EYS: variants seen among roughly 807,000 people sequenced by gnomAD.
The protein encoded by EYS is protein eyes shut homolog.
EYS carries 250 observed loss-of-function variants against 282.1 expected under a neutral mutation model. The ratio of observed to expected loss-of-function variants is 0.89; its 90% confidence interval spans 0.80 to 0.98. The LOEUF is 0.98. Ranked by LOEUF, EYS falls within the 50% of genes least tolerant of loss-of-function variation. EYS has a pLI of 0.00. For synonymous variants in EYS, 1,355 were observed against 1,282.9 expected (o/e 1.06, Z -1.20); for missense variants, 4,016 against 3,709.0 (o/e 1.08, Z -2.15).
At chr6:65,475,852 T>C (rs1270451346) in intron 5 of EYS, among the ~76,000 whole-genome samples, 2 of 151,908 alleles carry the variant, frequency 1.3e-5, no homozygotes, top group African/African-American at 2.4e-5. Flanking sequence ...AGTAATTAAA[T>C]TTATTCCATT....
At chr6:64,308,211 C>A (rs1477965820) in intron 29 of EYS, among the ~76,000 whole-genome samples, 2 of 151,976 alleles carry the variant, frequency 1.3e-5, no homozygotes, top group Non-Finnish European at 2.9e-5. Flanking sequence ...TTTTACATGC[C>A]TTTTGTGTTC....
chr6:63,730,681 ATTTAC>A (rs1269575200), intron 41 of EYS, among the ~76,000 whole-genome samples: 1 of 152,178 alleles, frequency 6.6e-6, no homozygotes, highest in East Asian at 1.9e-4. Flanking sequence ...TTATACCACA[ATTTAC>A]TTAACCACTG....
At chr6:64,617,579 T>G (rs543309507) in intron 23 of EYS, 46 bp from the exon 24 acceptor site, 13 of 1,046,314 alleles carry the variant, frequency 1.2e-5, no homozygotes, top group Non-Finnish European at 1.9e-5. Context: ...TTAATGATAA[T>G]AAAAACAGTT....
chr6:63,755,603 G>T (rs1473277726), intron 41 of EYS, among the ~76,000 whole-genome samples: 1 of 152,126 alleles, frequency 6.6e-6, no homozygotes, highest in Admixed American at 6.5e-5. Context: ...GGATTGTCCT[G>T]GCTATACGAG....
chr6:64,881,211 T>C (rs998358250), intron 19 of EYS, among the ~76,000 whole-genome samples: 2 of 151,106 alleles, frequency 1.3e-5, no homozygotes, highest in Non-Finnish European at 2.9e-5. Context: ...CTTATCATCA[T>C]TTTTTTGACA....
intron 2 of EYS, among the ~76,000 whole-genome samples, chr6:65,588,972 C>A (rs1388782618): frequency 6.6e-6 from 1 of 151,900 alleles, no homozygotes; most frequent in African/African-American, 2.4e-5. Flanking sequence ...CTTTTTAAGC[C>A]AAATGAGGCT....
At chr6:64,313,681 T>C (rs891460214) in intron 29 of EYS, among the ~76,000 whole-genome samples, 11 of 151,606 alleles carry the variant, frequency 7.3e-5, no homozygotes, top group Non-Finnish European at 1.5e-4. Flanking sequence ...TAATGATGGA[T>C]CTCTTGGCAG....
chr6:65,412,381 G>T (rs1291484950), intron 5 of EYS, among the ~76,000 whole-genome samples: 1 of 152,128 alleles, frequency 6.6e-6, no homozygotes, highest in Admixed American at 6.6e-5. Flanking sequence ...TATGGTTAAG[G>T]CATGTATAGT....
chr6:63,971,169 C>G (rs749454913), intron 35 of EYS, among the ~76,000 whole-genome samples: 1 of 152,178 alleles, frequency 6.6e-6, no homozygotes, highest in Non-Finnish European at 1.5e-5. Context: ...TCAAGCCCAG[C>G]AATGGAGAAC....
At chr6:64,956,498 CTG>C (rs1264198001) in intron 14 of EYS, among the ~76,000 whole-genome samples, 1 of 152,110 alleles carries the variant, frequency 6.6e-6, no homozygotes, top group Non-Finnish European at 1.5e-5. Context: ...CCACAGAAAA[CTG>C]GGGAAAATCT....
intron 14 of EYS, among the ~76,000 whole-genome samples, chr6:64,967,884 T>C (rs1480831023): frequency 2.0e-5 from 3 of 152,184 alleles, no homozygotes; most frequent in Non-Finnish European, 4.4e-5. Flanking sequence ...TGTATGGTGT[T>C]AATTTTTTAA....
chr6:63,742,585 C>G (rs1562004966), intron 41 of EYS, among the ~76,000 whole-genome samples: 1 of 152,168 alleles, frequency 6.6e-6, no homozygotes, highest in Non-Finnish European at 1.5e-5. Context: ...CCTAACCCCT[C>G]TTCCTATGCC....
chr6:65,556,003 C>T (rs568071507), intron 2 of EYS, among the ~76,000 whole-genome samples: 4 of 152,066 alleles, frequency 2.6e-5, no homozygotes, highest in African/African-American at 9.7e-5. Flanking sequence ...AAATAGCTTG[C>T]CTTTGTGGCT....
In EYS at chr6:64,593,239, CT is replaced by C; in HGVS notation, c.3754del (p.Arg1252GlufsTer25). On this transcript the variant is annotated frameshift_variant, in exon 25 of 43. Transcript: ENST00000503581. LOFTEE classifies it high-confidence loss of function. ...TGTCTGTGTGGAAATGGGATCTGTT[CT>C]TTGAAAGATGGGAGTTAAACAGGTA... ...RITCLTPIFQ[R>X]TDPISTQTYT... The C allele has an allele frequency of 6.4e-7, 1 of 1,550,574 alleles. No homozygotes were observed. Among genetic ancestry groups the C allele is most frequent in the Non-Finnish European group, 8.7e-7 (1 of 1,146,352 alleles).
At chr6:65,344,649 T>G (rs1227253149) in intron 9 of EYS, among the ~76,000 whole-genome samples, 2 of 151,594 alleles carry the variant, frequency 1.3e-5, no homozygotes, top group African/African-American at 4.8e-5. Flanking sequence ...TTTAAAATGA[T>G]TATATTAAAC....
chr6:64,873,290 C>T (rs564464428), intron 19 of EYS, among the ~76,000 whole-genome samples: 18 of 152,122 alleles, frequency 1.2e-4, no homozygotes, highest in African/African-American at 2.9e-4. Flanking sequence ...GAGAACTGCA[C>T]GGGAAAGACC....
chr6:64,029,522 G>T (rs1016665897), intron 33 of EYS, among the ~76,000 whole-genome samples: 1 of 152,198 alleles, frequency 6.6e-6, no homozygotes, highest in South Asian at 2.1e-4. Flanking sequence ...AAAAATGCAC[G>T]TGTGTGGCCC....
intron 21 of EYS, among the ~76,000 whole-genome samples, chr6:64,815,740 T>C (rs1764727656): frequency 6.6e-6 from 1 of 152,034 alleles, no homozygotes; most frequent in Non-Finnish European, 1.5e-5. Context: ...AGATGGAAGC[T>C]GGGAGGAATC....
At chr6:65,327,728 T>C (rs1471782694) in intron 11 of EYS, among the ~76,000 whole-genome samples, 4 of 151,590 alleles carry the variant, frequency 2.6e-5, no homozygotes, top group African/African-American at 4.8e-5. Context: ...ACAAGACCAC[T>C]ATTTCTATAC....
Sources: gnomAD v4.1 joint callset for allele counts (sites outside exome capture counted in the v4.1 genomes callset) on GRCh38, gnomAD v4.1.1 for gene constraint, MANE v1.5 for transcripts, NCBI Gene and HGNC (gene_info 2026-07-23, HGNC 2026-07-21) for gene names.